GNAI3: variants seen among roughly 807,000 people sequenced by gnomAD.
GNAI3 encodes G protein subunit alpha i3.
A neutral mutation model predicts 41.8 loss-of-function variants in GNAI3; 12 were observed. The observed-to-expected ratio is 0.29, with a 90% CI of 0.18 to 0.47. The LOEUF is 0.47. Ranked by LOEUF, GNAI3 falls within the 20% of genes least tolerant of loss-of-function variation. GNAI3 has a pLI of 1.00. For missense variants in GNAI3, 360 were observed against 429.6 expected (o/e 0.84, Z 1.43); for synonymous variants, 132 against 146.5 (o/e 0.90, Z 0.71).
At chr1:109,554,661 T>G (rs1648095498) in intron 1 of GNAI3, among the ~76,000 whole-genome samples, 1 of 152,254 alleles carries the variant, frequency 6.6e-6, no homozygotes, top group Non-Finnish European at 1.5e-5. Flanking sequence ...CTCTGGGTTG[T>G]CTGTACTCTG....
rs752604722 is a variant in GNAI3 at position 109,548,765 on chromosome 1, A to C, written c.45A>C (p.Arg15=). 1.3e-5 allele frequency: 21 copies of C among 1,613,764 alleles called. No homozygotes were observed. Among genetic ancestry groups the C allele is most frequent in the Non-Finnish European group, 1.6e-5 (19 of 1,179,884 alleles). ...CCGAAGACAAGGCGGCAGTGGAGCG[A>C]AGCAAGATGATCGACCGCAACTTAC... ...LSAEDKAAVE[R]SKMIDRNLRE... is the part of the protein sequence containing the mutation. Residue 15 remains arginine, a synonymous_variant, in exon 1 of 9, where the codon CGA becomes CGC. Transcript: ENST00000369851.
At chr1:109,548,972 T>G (rs1571143674) in intron 1 of GNAI3, 134 bp downstream of exon 1, 2 of 563,048 alleles carry the variant, frequency 3.6e-6, no homozygotes, top group South Asian at 2.1e-5. Flanking sequence ...TGGGGCGGGG[T>G]GTTGGGGTTC....
At chr1:109,578,058 T>A (rs1648795731) in intron 3 of GNAI3, among the ~76,000 whole-genome samples, 2 of 152,212 alleles carry the variant, frequency 1.3e-5, no homozygotes, top group South Asian at 4.1e-4. Context: ...GAGACCTGTG[T>A]TTAATTTTAA....
At chr1:109,572,280 A>C (rs1033840105) in intron 1 of GNAI3, among the ~76,000 whole-genome samples, 1 of 152,212 alleles carries the variant, frequency 6.6e-6, no homozygotes, top group African/African-American at 2.4e-5. Context: ...ATTGCACTCC[A>C]GCCTGGGCTA....
chr1:109,590,261 A>G lies in GNAI3; in HGVS notation c.875-1782A>G, dbSNP rs148072113. On this transcript the variant is annotated intron_variant, in intron 7 of 8. Coordinates refer to ENST00000369851, the MANE Select transcript of GNAI3 (RefSeq NM_006496.4). The stretch of plus-strand genomic sequence containing the variant: ...TGGGGGAGAGAGATGTAAGACAAGT[A>G]AAATAATTGGCATTAATGTTGAAGG... Among the ~76,000 whole-genome samples the G allele has an allele frequency of 3.3e-5, 5 of 152,344 alleles. No homozygotes were observed. The East Asian group carries it at 5.8e-4, about 18-fold the overall frequency.
intron 1 of GNAI3, among the ~76,000 whole-genome samples, chr1:109,553,081 A>G (rs1310030921): frequency 9.2e-5 from 14 of 152,198 alleles, no homozygotes; most frequent in Admixed American, 9.2e-4. Context: ...ATTGATGATG[A>G]TGATCGTGAG....
At chr1:109,566,934 A>G (rs1437249604) in intron 1 of GNAI3, among the ~76,000 whole-genome samples, 1 of 152,206 alleles carries the variant, frequency 6.6e-6, no homozygotes, top group Non-Finnish European at 1.5e-5. Context: ...AAAGGAATCA[A>G]CCGGGAGCAG....
intron 1 of GNAI3, among the ~76,000 whole-genome samples, chr1:109,564,669 G>GACT (rs1346850577): frequency 6.6e-6 from 1 of 152,130 alleles, no homozygotes; most frequent in African/African-American, 2.4e-5. Context: ...AACAGCCTGT[G>GACT]ACTAGGTGAC....
chr1:109,577,216 T>G (rs1571157703), intron 3 of GNAI3, among the ~76,000 whole-genome samples: 1 of 151,746 alleles, frequency 6.6e-6, no homozygotes, highest in Non-Finnish European at 1.5e-5. Context: ...TTCATTTGTT[T>G]AAAATTTTAT....
intron 1 of GNAI3, among the ~76,000 whole-genome samples, chr1:109,554,328 C>T (rs1164967453): frequency 6.6e-6 from 1 of 152,132 alleles, no homozygotes; most frequent in African/African-American, 2.4e-5. Context: ...AGTGGTTGTA[C>T]TAGTTTACAT....
intron 1 of GNAI3, among the ~76,000 whole-genome samples, chr1:109,571,798 G>GTCCC (rs1452926894): frequency 6.6e-6 from 1 of 152,078 alleles, no homozygotes; most frequent in African/African-American, 2.4e-5. Flanking sequence ...TGTGCCTGTA[G>GTCCC]TCCCAGCTAC....
rs1649249209 is a variant in GNAI3, at chr1:109,594,570, G to A, written c.*2248G>A. The A allele has an allele frequency of 6.6e-6, 1 of 150,778 alleles. No homozygotes were observed. Among genetic ancestry groups the A allele is most frequent in the Non-Finnish European group, 1.5e-5 (1 of 67,688 alleles). 9.3% of individuals were successfully genotyped at this position (150,778 alleles called of 1,614,324 possible). A position where few individuals can be genotyped will look rare whatever the true frequency, so the allele number is the denominator to read the frequency against. ...CACAGGGAGACAATTTAAGTCAGTA[G>A]TTTTTAATATGACTTAAGTAAAAAT... On this transcript the variant is annotated 3_prime_UTR_variant, in exon 9 of 9. Coordinates refer to ENST00000369851, the MANE Select transcript of GNAI3 (RefSeq NM_006496.4).
chr1:109,554,173 A>G (rs1015846902), intron 1 of GNAI3, among the ~76,000 whole-genome samples: 2 of 151,940 alleles, frequency 1.3e-5, no homozygotes, highest in South Asian at 2.1e-4. Context: ...GCCATTGTGA[A>G]TTGTGCTGCT....
At chr1:109,585,742 T>C (rs534322587) in intron 5 of GNAI3, among the ~76,000 whole-genome samples, 1 of 152,262 alleles carries the variant, frequency 6.6e-6, no homozygotes, top group South Asian at 2.1e-4. Flanking sequence ...TCTTTATCTG[T>C]ATAATTGGGA....
At chr1:109,554,232 C>T (rs1258759189) in intron 1 of GNAI3, among the ~76,000 whole-genome samples, 1 of 152,100 alleles carries the variant, frequency 6.6e-6, no homozygotes, top group African/African-American at 2.4e-5. Flanking sequence ...CTTCTTTCCT[C>T]AGGGTAGATA....
intron 1 of GNAI3, among the ~76,000 whole-genome samples, chr1:109,571,218 G>T (rs1267454123): frequency 6.6e-6 from 1 of 152,110 alleles, no homozygotes; most frequent in African/African-American, 2.4e-5. Context: ...TGGGGAATCA[G>T]TATCTCAGTT....
At chr1:109,549,994 A>G (rs190414130) in intron 1 of GNAI3, among the ~76,000 whole-genome samples, 3 of 152,272 alleles carry the variant, frequency 2.0e-5, no homozygotes, top group Admixed American at 6.5e-5. Flanking sequence ...TTATTTTCCA[A>G]TATTTTCTAG....
At position 109,559,997 on chromosome 1, in the gene GNAI3, A is replaced by G. The variant is rs1557903439; in HGVS notation, c.118+11159A>G. Among the ~76,000 whole-genome samples, 3 of 152,226 alleles carry G rather than the reference A, an allele frequency of 2.0e-5. No individual in the cohort carries two copies. In the South Asian group the frequency reaches 6.2e-4, roughly 32 times the overall value. ...CATGTATCTGATGTGAACTAAGCAA[A>G]GAAGAAAGATACCTAAAAGACTAAA... is the stretch of plus-strand genomic sequence containing the variant. On this transcript the variant is annotated intron_variant, in intron 1 of 8. Coordinates refer to ENST00000369851, the MANE Select transcript of GNAI3 (RefSeq NM_006496.4).
At chr1:109,549,531 T>C (rs1038326595) in intron 1 of GNAI3, among the ~76,000 whole-genome samples, 3 of 152,230 alleles carry the variant, frequency 2.0e-5, no homozygotes, top group Admixed American at 6.5e-5. Context: ...CTTCTTCTGT[T>C]TTTACAAAAG....
Sources: gnomAD v4.1 joint callset for allele counts (sites outside exome capture counted in the v4.1 genomes callset) on GRCh38, gnomAD v4.1.1 for gene constraint, MANE v1.5 for transcripts, NCBI Gene and HGNC (gene_info 2026-07-23, HGNC 2026-07-21) for gene names.